ENAH: variants seen among roughly 807,000 people sequenced by gnomAD.
ENAH encodes ENAH actin regulator.
ENAH carries 23 observed loss-of-function variants against 78.7 expected under a neutral mutation model. That is an observed-to-expected ratio of 0.29 (90% CI 0.21 to 0.41). ENAH has a LOEUF of 0.41. ENAH is among the 10% of genes least tolerant of loss of function. The pLI, the probability that ENAH is intolerant of heterozygous loss-of-function variation, is 1.00. For missense variants in ENAH, 544 were observed against 691.0 expected (o/e 0.79, Z 2.39); for synonymous variants, 226 against 241.0 (o/e 0.94, Z 0.58).
intron 11 of ENAH, 172 bp from the exon 12 acceptor site, chr1:225,501,242 T>C (rs1558706681): frequency 2.0e-6 from 1 of 493,580 alleles, no homozygotes; most frequent in Non-Finnish European, 3.6e-6. Context: ...TAAAACAACA[T>C]TTTTTCACTT....
Position 225,496,815 on chromosome 1 carries a change from C to G in ENAH, c.*960G>C, listed in dbSNP as rs572516689. ...TTATTCCTCCCCTTCCTCCCACTCC[C>G]CTATACTCTACAAAATGTTTTCCCT... On this transcript the variant is annotated 3_prime_UTR_variant, in exon 14 of 14. Coordinates refer to ENST00000366843, the MANE Select transcript of ENAH (RefSeq NM_018212.6). The G allele has an allele frequency of 2.6e-5, 4 of 152,740 alleles. No individual in the cohort carries two copies. In the East Asian group the frequency reaches 7.7e-4, roughly 29 times the overall value. 9.5% of individuals were successfully genotyped at this position (152,740 alleles called of 1,614,324 possible).
chr1:225,567,324 G>A lies in ENAH; in HGVS notation c.96C>T (p.Phe32=). ...KWVPAGGSTG[F]SRVHIYHHTG... is the part of the protein sequence containing the mutation. The stretch of plus-strand genomic sequence containing the variant: ...TATGGTGATAGATATGAACTCTGCT[G>A]AATCCAGTTGAGCCACCAGCTGGCA... Residue 32 remains phenylalanine, a synonymous_variant, in exon 2 of 14, where the codon TTC becomes TTT. Coordinates refer to ENST00000366843, the MANE Select transcript of ENAH (RefSeq NM_018212.6). 1 of 1,614,078 alleles carries A rather than the reference G, an allele frequency of 6.2e-7. No homozygotes were observed.
At chr1:225,499,996 C>T (rs1380098763) in intron 12 of ENAH, among the ~76,000 whole-genome samples, 1 of 152,164 alleles carries the variant, frequency 6.6e-6, no homozygotes, top group Non-Finnish European at 1.5e-5. Context: ...TCTCATCCCC[C>T]AAATCAAATC....
chr1:225,598,494 A>G (rs1258586080), intron 1 of ENAH, among the ~76,000 whole-genome samples: 1 of 152,114 alleles, frequency 6.6e-6, no homozygotes, highest in African/African-American at 2.4e-5. Context: ...ACACAGAATG[A>G]AATAAAGTAC....
At chr1:225,591,637 C>T (rs1388968363) in intron 1 of ENAH, among the ~76,000 whole-genome samples, 23 of 144,324 alleles carry the variant, frequency 1.6e-4, no homozygotes, top group African/African-American at 4.9e-4. Context: ...TGATGGCAGG[C>T]GCCTGTAGTC....
Position 225,489,280 on chromosome 1 carries a change from G to T in ENAH, c.*8495C>A, listed in dbSNP as rs1466272926. 6.6e-6 allele frequency: 1 copy of T among 152,134 alleles called. No homozygotes were observed. The highest frequency in any genetic ancestry group is 2.4e-5 in the African/African-American group (1 of 41,402). The allele number at this position is 152,134 out of a possible 1,614,324, so 9.4% of individuals were successfully genotyped here. A position where few individuals can be genotyped will look rare whatever the true frequency, so the allele number is the denominator to read the frequency against. ...TTCTGAACGGCAGAATGTGCTTCCA[G>T]GTTGAAGCACAATGGAGAATGTACT... On this transcript the variant is annotated 3_prime_UTR_variant, in exon 14 of 14. Transcript: ENST00000366843.
intron 3 of ENAH, among the ~76,000 whole-genome samples, chr1:225,544,098 A>G (rs2096602094): frequency 6.6e-6 from 1 of 152,192 alleles, no homozygotes; most frequent in Admixed American, 6.5e-5. Flanking sequence ...GGTTCCTGCA[A>G]TTCATCTCTT....
At chr1:225,616,666 TG>T (rs1655762514) in intron 1 of ENAH, among the ~76,000 whole-genome samples, 1 of 152,122 alleles carries the variant, frequency 6.6e-6, no homozygotes, top group Non-Finnish European at 1.5e-5. Flanking sequence ...AAATCAAAAG[TG>T]ATACCACCAA....
intron 1 of ENAH, among the ~76,000 whole-genome samples, chr1:225,630,567 G>A (rs578184296): frequency 2.6e-5 from 4 of 152,224 alleles, no homozygotes; most frequent in East Asian, 3.9e-4. Flanking sequence ...TGAAACACTC[G>A]AAATGGTTAA....
chr1:225,653,145 G>C (rs1238672305), upstream of ENAH: 1 of 151,256 alleles, frequency 6.6e-6, no homozygotes, highest in African/African-American at 2.4e-5. This position sits in a 1 kb window ranked among gnomAD's most constrained non-coding sequence, Gnocchi z 4.3. Context: ...GAGGAACCCG[G>C]GAGGAGGCGG....
At chr1:225,652,277 G>A in intron 1 of ENAH, 1 of 942,460 alleles carries the variant, frequency 1.1e-6, no homozygotes, top group Non-Finnish European at 1.3e-6. Flanking sequence ...GAGTTCGGAG[G>A]CAAAAGTGCA....
chr1:225,552,133 T>TC (rs2096643658), intron 3 of ENAH, among the ~76,000 whole-genome samples: 1 of 82,866 alleles, frequency 1.2e-5, no homozygotes, highest in Non-Finnish European at 2.3e-5. Flanking sequence ...CACTCCTGAT[T>TC]CTTTTTTTTT....
intron 7 of ENAH, among the ~76,000 whole-genome samples, chr1:225,513,654 T>C (rs891466888): frequency 2.0e-5 from 3 of 152,056 alleles, no homozygotes; most frequent in African/African-American, 7.2e-5. Context: ...CTTAGGAAAA[T>C]AGAAGCTTGT....
chr1:225,563,438 C>T (rs1184213240), intron 2 of ENAH, among the ~76,000 whole-genome samples: 1 of 152,160 alleles, frequency 6.6e-6, no homozygotes, highest in Non-Finnish European at 1.5e-5. Flanking sequence ...ATTATCTACC[C>T]ATATCAGCTT....
chr1:225,513,446 CATT>C (rs3081076), intron 7 of ENAH, among the ~76,000 whole-genome samples: 13,044 of 152,130 alleles, frequency 0.086, 767 homozygotes, highest in South Asian at 0.25. Flanking sequence ...ATCAAAGAGA[CATT>C]ATAACTAAAT....
At chr1:225,521,501 C>T (rs1307025843) in intron 4 of ENAH, among the ~76,000 whole-genome samples, 2 of 151,764 alleles carry the variant, frequency 1.3e-5, no homozygotes, top group Non-Finnish European at 2.9e-5. Flanking sequence ...ATTAGCTGGG[C>T]GTGGTGGTGT....
intron 7 of ENAH, among the ~76,000 whole-genome samples, chr1:225,513,534 T>A (rs1029641410): frequency 3.3e-5 from 5 of 152,224 alleles, no homozygotes; most frequent in African/African-American, 7.2e-5. Flanking sequence ...ATTTGAATAA[T>A]ACATTTGTAG....
chr1:225,564,008 G>A lies in ENAH; in HGVS notation c.171+3241C>T, dbSNP rs537568451. On this transcript the variant is annotated intron_variant, in intron 2 of 13. Transcript: ENST00000366843. ...AAAATGGCCCACTTACTGGCATAAA[G>A]TTTTTTATAATATTTTATTTCCTTC... 2.9e-3 allele frequency among the ~76,000 whole-genome samples: 446 copies of A among 152,094 alleles called. 3 individuals carry two copies. Among genetic ancestry groups the A allele is most frequent in the African/African-American group, 0.011 (436 of 41,502 alleles).
chr1:225,556,762 AG>A (rs2096669147), intron 2 of ENAH, among the ~76,000 whole-genome samples: 2 of 152,184 alleles, frequency 1.3e-5, no homozygotes, highest in Admixed American at 1.3e-4. Context: ...CTCAATCACA[AG>A]GTCATGAAAA....
Sources: allele counts gnomAD v4.1 joint callset (sites outside exome capture counted in the v4.1 genomes callset), GRCh38; gene constraint gnomAD v4.1.1; non-coding constraint Gnocchi (gnomAD v3.1); transcripts MANE v1.5; gene names NCBI Gene and HGNC (gene_info 2026-07-23, HGNC 2026-07-21).